Variants in POU6F2 observed in about 807,000 individuals in gnomAD.
The protein encoded by POU6F2 is POU domain, class 6, transcription factor 2.
POU6F2 carries 31 observed loss-of-function variants against 71.3 expected under a neutral mutation model. The observed-to-expected ratio is 0.43, with a 90% CI of 0.33 to 0.59. POU6F2 has a LOEUF of 0.59. Among genes scored for constraint, POU6F2 ranks in the 20% least tolerant of loss-of-function variants. The probability of loss-of-function intolerance (pLI) is 0.04; values close to 1 mark genes in which losing one functional copy is unlikely to be tolerated. For missense variants in POU6F2, 783 were observed against 856.8 expected (o/e 0.91, Z 1.07); for synonymous variants, 347 against 355.7 (o/e 0.98, Z 0.27).
chr7:39,378,230 C>T (rs751099188), intron 5 of POU6F2, among the ~76,000 whole-genome samples: 5 of 152,184 alleles, frequency 3.3e-5, no homozygotes, highest in African/African-American at 7.2e-5. Flanking sequence ...GAGTAGTTTA[C>T]GGGTGCAGTC....
chr7:39,316,732 G>A (rs1785275483), intron 4 of POU6F2, among the ~76,000 whole-genome samples: 1 of 152,212 alleles, frequency 6.6e-6, no homozygotes, highest in Non-Finnish European at 1.5e-5. Context: ...GACTTTTAAA[G>A]TATTTATTTG....
intron 1 of POU6F2, among the ~76,000 whole-genome samples, chr7:39,039,234 G>A (rs1271603917): frequency 6.6e-6 from 1 of 151,922 alleles, no homozygotes; most frequent in Non-Finnish European, 1.5e-5. Flanking sequence ...GTTTGGAAAT[G>A]GCAGATACAA....
intron 1 of POU6F2, among the ~76,000 whole-genome samples, chr7:38,996,537 C>T (rs1316061052): frequency 6.6e-6 from 1 of 152,208 alleles, no homozygotes; most frequent in Non-Finnish European, 1.5e-5. Context: ...CTTTCATCCA[C>T]TTGCAGCCTT....
At chr7:39,364,882 C>A (rs1459622106) in intron 5 of POU6F2, among the ~76,000 whole-genome samples, 1 of 152,142 alleles carries the variant, frequency 6.6e-6, no homozygotes, top group Admixed American at 6.6e-5. Context: ...ACATTCCTAC[C>A]AGCAGTGTGG....
At chr7:39,311,810 A>T (rs2128767123) in intron 4 of POU6F2, among the ~76,000 whole-genome samples, 1 of 152,354 alleles carries the variant, frequency 6.6e-6, no homozygotes, top group East Asian at 1.9e-4. Context: ...TTTATCCTGA[A>T]AGTTTTTAAA....
At chr7:39,123,733 CCT>C (rs758187928) in intron 2 of POU6F2, among the ~76,000 whole-genome samples, 1 of 151,604 alleles carries the variant, frequency 6.6e-6, no homozygotes, top group Non-Finnish European at 1.5e-5. Context: ...AGCAATGACT[CCT>C]CAGTTTCTTG....
chr7:39,237,979 C>T (rs1462191738), intron 4 of POU6F2, among the ~76,000 whole-genome samples: 1 of 152,124 alleles, frequency 6.6e-6, no homozygotes, highest in African/African-American at 2.4e-5. Context: ...GTTGTTCTTG[C>T]TCTTTGAATC....
chr7:39,445,599 A>T (rs1479109539), intron 7 of POU6F2, among the ~76,000 whole-genome samples: 2 of 152,206 alleles, frequency 1.3e-5, no homozygotes, highest in African/African-American at 4.8e-5. Flanking sequence ...GAATGCCAAA[A>T]GGATAACTTC....
At chr7:39,028,040 A>C (rs1789854166) in intron 1 of POU6F2, among the ~76,000 whole-genome samples, 1 of 152,188 alleles carries the variant, frequency 6.6e-6, no homozygotes, top group Non-Finnish European at 1.5e-5. Context: ...AAAACTAAGT[A>C]ATGTAAAATT....
chr7:39,168,954 T>C (rs1241272009), intron 2 of POU6F2, among the ~76,000 whole-genome samples: 1 of 152,224 alleles, frequency 6.6e-6, no homozygotes, highest in Non-Finnish European at 1.5e-5. Flanking sequence ...TGCGTTTTAC[T>C]CTGAAAATGC....
intron 8 of POU6F2, among the ~76,000 whole-genome samples, chr7:39,453,725 T>C (rs915225762): frequency 2.6e-5 from 4 of 152,190 alleles, no homozygotes; most frequent in Non-Finnish European, 4.4e-5. Context: ...GAACTTTCAT[T>C]GCACAGTAGC....
intron 1 of POU6F2, among the ~76,000 whole-genome samples, chr7:39,033,808 TA>T (rs1427844974): frequency 6.6e-6 from 1 of 152,232 alleles, no homozygotes; most frequent in Non-Finnish European, 1.5e-5. Context: ...GAAATGATTG[TA>T]CTGCAAGGAC....
chr7:39,236,869 A>G (rs1309585834), intron 4 of POU6F2, among the ~76,000 whole-genome samples: 1 of 152,232 alleles, frequency 6.6e-6, no homozygotes, highest in Non-Finnish European at 1.5e-5. Context: ...AACTGTAAGT[A>G]TCCTTTATTT....
At chr7:39,052,104 A>G (rs1790411301) in intron 1 of POU6F2, among the ~76,000 whole-genome samples, 1 of 152,070 alleles carries the variant, frequency 6.6e-6, no homozygotes, top group Admixed American at 6.6e-5. Flanking sequence ...AACTTTGGAG[A>G]GCCTTGGAAC....
intron 4 of POU6F2, among the ~76,000 whole-genome samples, chr7:39,290,281 C>T (rs898685685): frequency 1.1e-4 from 16 of 152,246 alleles, no homozygotes; most frequent in African/African-American, 3.6e-4. Flanking sequence ...CAGATCTCAC[C>T]GGAAACATTC....
intron 1 of POU6F2, among the ~76,000 whole-genome samples, chr7:39,021,902 CCCA>C (rs1789686722): frequency 6.6e-6 from 1 of 152,038 alleles, no homozygotes; most frequent in Non-Finnish European, 1.5e-5. Flanking sequence ...ATTCTGCTAG[CCCA>C]CAGTTTTAGC....
chr7:38,998,491 G>A (rs375424768), intron 1 of POU6F2, among the ~76,000 whole-genome samples: 12 of 152,180 alleles, frequency 7.9e-5, no homozygotes, highest in East Asian at 7.7e-4. Flanking sequence ...ATATGTAGAC[G>A]TACAAATATT....
At chr7:39,407,640 C>G (rs1447672402) in intron 6 of POU6F2, among the ~76,000 whole-genome samples, 1 of 151,940 alleles carries the variant, frequency 6.6e-6, no homozygotes, top group Non-Finnish European at 1.5e-5. Context: ...CTTTTCCCCC[C>G]AGCCTTATCT....
At chr7:39,141,969 C>T (rs1034530880) in intron 2 of POU6F2, among the ~76,000 whole-genome samples, 2 of 152,098 alleles carry the variant, frequency 1.3e-5, no homozygotes, top group Non-Finnish European at 2.9e-5. Flanking sequence ...CACCTGTAGT[C>T]CCACCTACTC....
Sources: allele counts gnomAD v4.1 joint callset (sites outside exome capture counted in the v4.1 genomes callset), GRCh38; gene constraint gnomAD v4.1.1; transcripts MANE v1.5; gene names NCBI Gene and HGNC (gene_info 2026-07-23, HGNC 2026-07-21).